The following EXOC4 variants were observed in gnomAD, a reference collection of about 807,000 sequenced individuals.
EXOC4 encodes the protein SEC8-like 1.
EXOC4 carries 71 observed loss-of-function variants against 107.2 expected under a neutral mutation model. The ratio of observed to expected loss-of-function variants is 0.66; its 90% CI spans 0.55 to 0.81. The LOEUF (loss-of-function observed/expected upper bound fraction) is 0.81. Among genes scored for constraint, EXOC4 ranks in the 30% least tolerant of loss-of-function variants. The pLI is 0.00. For missense variants in EXOC4, 1,108 were observed against 1,189.6 expected, an observed-to-expected ratio of 0.93 and a Z score of 1.01; for synonymous variants, 456 against 441.2, an observed-to-expected ratio of 1.03 and a Z score of -0.42.
intron 11 of EXOC4, among the ~76,000 whole-genome samples, chr7:133,857,547 C>G (rs968735708): frequency 1.3e-5 from 2 of 149,366 alleles, no homozygotes; most frequent in African/African-American, 4.9e-5. Flanking sequence ...TGCTACAGAC[C>G]CAGACCCATG....
At chr7:133,666,761 G>A (rs1049965153) in intron 10 of EXOC4, among the ~76,000 whole-genome samples, 8 of 152,206 alleles carry the variant, frequency 5.3e-5, no homozygotes, top group African/African-American at 1.7e-4. Flanking sequence ...CACAATACCT[G>A]CTTCCAAGTA....
intron 7 of EXOC4, among the ~76,000 whole-genome samples, chr7:133,455,680 G>T (rs1798447727): frequency 6.6e-6 from 1 of 152,174 alleles, no homozygotes; most frequent in Non-Finnish European, 1.5e-5. Flanking sequence ...CTGAGCTAAT[G>T]GTTGTCCAAT....
chr7:133,339,148 A>C (rs1005950835), intron 5 of EXOC4, among the ~76,000 whole-genome samples: 1 of 152,072 alleles, frequency 6.6e-6, no homozygotes, highest in African/African-American at 2.4e-5. Flanking sequence ...GTGTTACTTC[A>C]CTTAGAATAA....
intron 10 of EXOC4, among the ~76,000 whole-genome samples, chr7:133,747,388 G>GTTGAAT (rs1795698645): frequency 6.6e-6 from 1 of 152,116 alleles, no homozygotes. Context: ...AATGGTACAG[G>GTTGAAT]TTGAATTTTT....
intron 13 of EXOC4, among the ~76,000 whole-genome samples, chr7:133,936,665 T>G (rs1414085968): frequency 6.6e-6 from 1 of 152,160 alleles, no homozygotes; most frequent in African/African-American, 2.4e-5. Context: ...TGTTTTTGTT[T>G]TGTTTTTTTG....
chr7:133,292,786 C>T (rs1312584793), intron 3 of EXOC4, among the ~76,000 whole-genome samples: 1 of 152,010 alleles, frequency 6.6e-6, no homozygotes, highest in African/African-American at 2.4e-5. Flanking sequence ...TTTTGTCTGC[C>T]CTGTTCCCAG....
At chr7:133,337,313 CTT>C (rs1363888061) in intron 5 of EXOC4, among the ~76,000 whole-genome samples, 2 of 152,094 alleles carry the variant, frequency 1.3e-5, no homozygotes, top group East Asian at 3.9e-4. Context: ...ATTTTCAAGA[CTT>C]GGAACAATTT....
chr7:133,967,609 T>C (rs1292789662), intron 14 of EXOC4, among the ~76,000 whole-genome samples: 1 of 152,174 alleles, frequency 6.6e-6, no homozygotes, highest in African/African-American at 2.4e-5. Context: ...CAGGAGCAGG[T>C]TGTTTAGTTT....
intron 9 of EXOC4, among the ~76,000 whole-genome samples, chr7:133,610,347 A>G (rs143161548): frequency 1.3e-5 from 2 of 152,348 alleles, no homozygotes; most frequent in Admixed American, 1.3e-4. Flanking sequence ...TTTTCTTAGG[A>G]AAAACAAACA....
At chr7:133,304,602 A>G (rs1373449445) in intron 3 of EXOC4, among the ~76,000 whole-genome samples, 1 of 152,138 alleles carries the variant, frequency 6.6e-6, no homozygotes, top group Non-Finnish European at 1.5e-5. Flanking sequence ...AGGCTGGTTT[A>G]TATTTGGCAG....
At chr7:133,458,673 A>T (rs1221221459) in intron 7 of EXOC4, among the ~76,000 whole-genome samples, 1 of 152,174 alleles carries the variant, frequency 6.6e-6, no homozygotes, top group East Asian at 1.9e-4. Context: ...ATTTTTGAAG[A>T]CCTGATGGTG....
intron 10 of EXOC4, among the ~76,000 whole-genome samples, chr7:133,794,947 C>G (rs2151188580): frequency 6.6e-6 from 1 of 152,096 alleles, no homozygotes; most frequent in African/African-American, 2.4e-5. Flanking sequence ...CCCCCTTCCC[C>G]CCACCCCACA....
intron 7 of EXOC4, among the ~76,000 whole-genome samples, chr7:133,393,430 G>A (rs1348303142): frequency 1.3e-5 from 2 of 152,204 alleles, no homozygotes; most frequent in East Asian, 1.9e-4. Context: ...AATATGTTTT[G>A]AACAAATGAG....
At chr7:133,662,548 C>T (rs150101638) in intron 10 of EXOC4, among the ~76,000 whole-genome samples, 175 of 152,104 alleles carry the variant, frequency 1.2e-3, no homozygotes, top group Middle Eastern at 0.01. Context: ...CCATGATTAT[C>T]CTCACCTATC....
intron 10 of EXOC4, among the ~76,000 whole-genome samples, chr7:133,667,883 T>C (rs778872041): frequency 1.3e-5 from 2 of 152,172 alleles, no homozygotes; most frequent in Non-Finnish European, 2.9e-5. Context: ...TACAATCAAA[T>C]AGACAAAAAA....
At chr7:134,000,493 G>C (rs1195521517) in intron 15 of EXOC4, among the ~76,000 whole-genome samples, 1 of 152,048 alleles carries the variant, frequency 6.6e-6, no homozygotes, top group Non-Finnish European at 1.5e-5. Flanking sequence ...ATGTGATTAA[G>C]AATTAGTTGG....
At chr7:133,861,362 C>A (rs7810256) in intron 11 of EXOC4, among the ~76,000 whole-genome samples, 2,350 of 152,154 alleles carry the variant, frequency 0.015, 61 homozygotes, top group African/African-American at 0.053. Context: ...CTGTGACATG[C>A]AATTTATCTA....
chr7:133,343,911 C>T (rs1453559432), intron 5 of EXOC4, among the ~76,000 whole-genome samples: 1 of 151,694 alleles, frequency 6.6e-6, no homozygotes, highest in Non-Finnish European at 1.5e-5. Flanking sequence ...ACCCTAGGCT[C>T]AAAGGGATCC....
At chr7:133,410,075 C>T (rs147342109) in intron 7 of EXOC4, among the ~76,000 whole-genome samples, 1 of 152,244 alleles carries the variant, frequency 6.6e-6, no homozygotes, top group East Asian at 1.9e-4. Context: ...TTACCCAGGC[C>T]TCCCTGCTTA....
Sources: allele counts gnomAD v4.1 joint callset (sites outside exome capture counted in the v4.1 genomes callset), GRCh38; gene constraint gnomAD v4.1.1; transcripts MANE v1.5; gene names NCBI Gene and HGNC (gene_info 2026-07-23, HGNC 2026-07-21).